Variants in NWD2 observed in about 807,000 individuals in gnomAD.
NWD2 encodes the protein NACHT and WD repeat domain containing 2.
In NWD2, 37 loss-of-function variants were observed where a neutral mutation model predicts 132.7. That is an observed-to-expected ratio of 0.28 (90% CI 0.21 to 0.37). The LOEUF (loss-of-function observed/expected upper bound fraction) is 0.37. Ranked by LOEUF, NWD2 falls within the 10% of genes least tolerant of loss-of-function variation. NWD2 has a pLI of 1.00. For missense variants in NWD2, 1,592 were observed against 2,122.4 expected (o/e 0.75, Z 4.91); for synonymous variants, 705 against 803.0 (o/e 0.88, Z 2.06).
chr4:37,415,063 T>A (rs776157267), intron 3 of NWD2, among the ~76,000 whole-genome samples: 1 of 152,210 alleles, frequency 6.6e-6, no homozygotes, highest in Non-Finnish European at 1.5e-5. Flanking sequence ...TATATTGGGA[T>A]GAAATGAAAG....
chr4:37,303,735 C>T (rs975418191), intron 1 of NWD2, among the ~76,000 whole-genome samples: 3 of 151,956 alleles, frequency 2.0e-5, no homozygotes, highest in Non-Finnish European at 2.9e-5. Context: ...TCAGCTAGTT[C>T]GTTTTGGTGT....
intron 1 of NWD2, among the ~76,000 whole-genome samples, chr4:37,257,115 A>G (rs1470757749): frequency 6.6e-6 from 1 of 152,162 alleles, no homozygotes; most frequent in Admixed American, 6.5e-5. Context: ...AGGAGGCCAC[A>G]GCCAGCACCA....
At chr4:37,424,120 G>T (rs1485733397) in intron 3 of NWD2, among the ~76,000 whole-genome samples, 2 of 152,038 alleles carry the variant, frequency 1.3e-5, no homozygotes, top group African/African-American at 4.8e-5. Context: ...CAGGTAGAAA[G>T]AATACCAACA....
In NWD2 at chr4:37,314,091, G is replaced by A. The variant is rs1477338371; in HGVS notation, c.152-11845G>A. ...ATGTGGTTATGTTCTTTATTAATAT[G>A]GTATATTCTATTAATTGATTTACAA... On this transcript the variant is annotated intron_variant, in intron 1 of 6. Transcript: ENST00000309447. Among the ~76,000 whole-genome samples the A allele has an allele frequency of 2.6e-5, 4 of 152,044 alleles. No individual in the cohort carries two copies. In the East Asian group the frequency reaches 7.7e-4, roughly 29 times the overall value.
chr4:37,311,914 G>A (rs1718851166), intron 1 of NWD2, among the ~76,000 whole-genome samples: 3 of 151,504 alleles, frequency 2.0e-5, no homozygotes, highest in Admixed American at 2.0e-4. Context: ...GTTTTTGTCA[G>A]GTTTGTCAAA....
intron 3 of NWD2, among the ~76,000 whole-genome samples, chr4:37,388,537 C>T (rs1720615033): frequency 6.6e-6 from 1 of 151,212 alleles, no homozygotes; most frequent in Admixed American, 6.6e-5. Context: ...ATACTGACTT[C>T]TTTAAGTGAG....
intron 2 of NWD2, among the ~76,000 whole-genome samples, chr4:37,349,178 A>G (rs925046968): frequency 3.9e-5 from 6 of 152,128 alleles, no homozygotes; most frequent in Non-Finnish European, 7.4e-5. Flanking sequence ...AATGATTTAT[A>G]ATCCTTTGGT....
chr4:37,406,960 C>T (rs889832175), intron 3 of NWD2, among the ~76,000 whole-genome samples: 73 of 152,130 alleles, frequency 4.8e-4, no homozygotes, highest in African/African-American at 1.7e-3. Flanking sequence ...TGGAAGCCAT[C>T]ATTCTCAGCA....
chr4:37,263,251 A>C (rs1327656925), intron 1 of NWD2, among the ~76,000 whole-genome samples: 1 of 152,186 alleles, frequency 6.6e-6, no homozygotes, highest in Non-Finnish European at 1.5e-5. Flanking sequence ...TCATTTTCAT[A>C]GCAGGTACCC....
At chr4:37,419,621 T>G (rs909485479) in intron 3 of NWD2, among the ~76,000 whole-genome samples, 1 of 152,160 alleles carries the variant, frequency 6.6e-6, no homozygotes, top group Non-Finnish European at 1.5e-5. Context: ...GTCTACTAAT[T>G]TTTTAAAAAC....
intron 1 of NWD2, among the ~76,000 whole-genome samples, chr4:37,246,855 A>C (rs921046067): frequency 2.0e-5 from 3 of 152,026 alleles, no homozygotes; most frequent in African/African-American, 7.2e-5. Flanking sequence ...AATATGTGTA[A>C]TTTTTTTCTT....
intron 3 of NWD2, among the ~76,000 whole-genome samples, chr4:37,419,410 T>C (rs888743472): frequency 2.6e-5 from 4 of 152,122 alleles, no homozygotes; most frequent in Non-Finnish European, 4.4e-5. Context: ...GGAATCTAAT[T>C]AAACTAAAGA....
At position 37,262,664 on chromosome 4, in the gene NWD2, G is replaced by A. The variant is rs141247020; in HGVS notation, c.151+17446G>A. On this transcript the variant is annotated intron_variant, in intron 1 of 6. Transcript: ENST00000309447. ...ATCTTCCCAACTACCCAGGTACCTC[G>A]GAACTAAAATGGAAATGGATGAGAG... Among the ~76,000 whole-genome samples, 1,154 of 152,164 alleles carry A rather than the reference G, an allele frequency of 7.6e-3. 15 individuals carry two copies. The highest frequency in any genetic ancestry group is 0.026 in the African/African-American group (1,064 of 41,544).
intron 3 of NWD2, among the ~76,000 whole-genome samples, chr4:37,384,570 C>G (rs1720521019): frequency 6.6e-6 from 1 of 152,228 alleles, no homozygotes; most frequent in African/African-American, 2.4e-5. Context: ...CAAAATAATG[C>G]TGCCTCCTTG....
At chr4:37,245,348 C>G (rs1717215363) in intron 1 of NWD2, 130 bp downstream of exon 1, 1 of 1,125,434 alleles carries the variant, frequency 8.9e-7, no homozygotes. Flanking sequence ...CCGTGGCCGC[C>G]CTGAGCGCGT....
Position 37,421,571 on chromosome 4 carries a change from A to G in NWD2, c.358-9001A>G, listed in dbSNP as rs181794320. On this transcript the variant is annotated intron_variant, in intron 3 of 6. Transcript: ENST00000309447. ...AATTAAACCACAAATGTCAGTTTCA[A>G]GAAAGGTAAAACTATAATATGATTT... Among the ~76,000 whole-genome samples, 41 of 152,384 alleles carry G rather than the reference A, an allele frequency of 2.7e-4. No homozygotes were observed. The East Asian group carries it at 7.7e-3, about 29-fold the overall frequency.
chr4:37,333,642 C>G (rs998713244), intron 2 of NWD2, among the ~76,000 whole-genome samples: 1 of 152,080 alleles, frequency 6.6e-6, no homozygotes, highest in Admixed American at 6.6e-5. Flanking sequence ...GTGAAGACTA[C>G]GATAAATACC....
chr4:37,404,819 T>C (rs890181539), intron 3 of NWD2, among the ~76,000 whole-genome samples: 3 of 152,108 alleles, frequency 2.0e-5, no homozygotes, highest in African/African-American at 7.2e-5. Flanking sequence ...GGTGGAACAG[T>C]AGCAATAGAG....
chr4:37,342,094 A>T (rs892218720), intron 2 of NWD2, among the ~76,000 whole-genome samples: 5 of 152,258 alleles, frequency 3.3e-5, no homozygotes, highest in Non-Finnish European at 7.4e-5. Flanking sequence ...TCCAAATCTC[A>T]TGTTGAAATG....
Sources: allele counts gnomAD v4.1 joint callset (sites outside exome capture counted in the v4.1 genomes callset), GRCh38; gene constraint gnomAD v4.1.1; transcripts MANE v1.5; gene names NCBI Gene and HGNC (gene_info 2026-07-23, HGNC 2026-07-21).